Variants in EPHA8 observed in about 807,000 individuals in gnomAD.
The protein encoded by EPHA8 is EPH receptor A8.
In EPHA8, 58 loss-of-function variants were observed where a neutral mutation model predicts 103.6. The observed-to-expected ratio is 0.56, with a 90% CI of 0.45 to 0.70. The LOEUF is 0.70. EPHA8 is among the 30% of genes least tolerant of loss of function. The pLI is 0.00. For synonymous variants in EPHA8, 559 were observed against 572.5 expected, an observed-to-expected ratio of 0.98 and a Z score of 0.34; for missense variants, 1,304 against 1,395.2, an observed-to-expected ratio of 0.93 and a Z score of 1.04.
At chr1:22,577,805 TATGTGTGCATGTGTGTGC>T (rs1281006644) in intron 3 of EPHA8, among the ~76,000 whole-genome samples, 31 of 148,410 alleles carry the variant, frequency 2.1e-4, no homozygotes, top group African/African-American at 7.7e-4. Flanking sequence ...TGCGTAAGTG[TATGTGTGCATGTGTGTGC>T]ATGTGTGCGT....
Position 22,598,759 on chromosome 1 carries a change from T to C in EPHA8, c.2179-79T>C. The C allele has an allele frequency of 6.9e-7, 1 of 1,446,494 alleles. No individual in the cohort carries two copies. Among genetic ancestry groups the C allele is most frequent in the Non-Finnish European group, 9.5e-7 (1 of 1,051,768 alleles). 89.6% of individuals were successfully genotyped at this position (1,446,494 alleles called of 1,614,324 possible). The stretch of plus-strand genomic sequence containing the variant: ...GCACCGTCTCAACTCGAGAGCATCC[T>C]ACAGATGGGAGGTGTTCCTGTTCAC... On this transcript the variant is annotated intron_variant, in intron 12 of 16. Transcript: ENST00000166244. This position sits in a 1 kb window ranked among gnomAD's most constrained non-coding sequence, Gnocchi z 5.1.
At chr1:22,578,040 T>C (rs915313228) in intron 3 of EPHA8, among the ~76,000 whole-genome samples, 3 of 91,326 alleles carry the variant, frequency 3.3e-5, no homozygotes, top group Non-Finnish European at 6.8e-5. Flanking sequence ...CATGTGTATG[T>C]ATGTGCATGT....
At chr1:22,595,966 T>G in intron 8 of EPHA8, 140 bp from the exon 9 acceptor site, 4 of 697,764 alleles carry the variant, frequency 5.7e-6, no homozygotes, top group Non-Finnish European at 9.8e-6. Context: ...GACTCTCCCC[T>G]GCAGACTTTG....
intron 3 of EPHA8, among the ~76,000 whole-genome samples, chr1:22,582,558 G>A (rs924982997): frequency 3.3e-5 from 5 of 152,242 alleles, no homozygotes; most frequent in African/African-American, 1.2e-4. Flanking sequence ...AGAGCCATGT[G>A]GGGTTCGTCC....
rs75947384 is a variant in EPHA8, at chr1:22,576,072, G to A, written c.160-145G>A. 0.041 allele frequency: 34,538 copies of A among 847,074 alleles called. 942 individuals carry two copies. The highest frequency in any genetic ancestry group is 0.11 in the East Asian group (4,326 of 40,104). The allele number at this position is 847,074 out of a possible 1,614,324, so 52.5% of individuals were successfully genotyped here. A position where few individuals can be genotyped will look rare whatever the true frequency, so the allele number is the denominator to read the frequency against. ...GGCCCTCTTCGAGATCATGTCTGCA[G>A]GGGGCCTGGCATCTAGTAGCCACCA... On this transcript the variant is annotated intron_variant, in intron 2 of 16. Coordinates refer to ENST00000166244, the MANE Select transcript of EPHA8 (RefSeq NM_020526.5). The surrounding 1 kb of genome is among the most constrained non-coding windows in gnomAD (Gnocchi z 4.8).
rs550754130 is a variant in EPHA8, at chr1:22,591,444, C to T, written c.1316-1882C>T. On this transcript the variant is annotated intron_variant, in intron 5 of 16. Coordinates refer to ENST00000166244, the MANE Select transcript of EPHA8 (RefSeq NM_020526.5). ...CTATATTTCCCAGGCTGATCTGAAA[C>T]TCCTGGGCTCAAGTGATCCTCCTGC... Among the ~76,000 whole-genome samples, 16 of 150,794 alleles carry T rather than the reference C, an allele frequency of 1.1e-4. No homozygotes were observed. The East Asian group carries it at 3.2e-3, about 30-fold the overall frequency.
At chr1:22,573,776 C>T (rs1008656096) in intron 2 of EPHA8, among the ~76,000 whole-genome samples, 5 of 152,182 alleles carry the variant, frequency 3.3e-5, no homozygotes, top group African/African-American at 1.2e-4. Context: ...GGACTGTCCC[C>T]TCCCCTGTCT....
At position 22,563,969 on chromosome 1, in the gene EPHA8, A is replaced by T. The variant is rs1290471422; in HGVS notation, c.94+240A>T. 6.6e-6 allele frequency among the ~76,000 whole-genome samples: 1 copy of T among 151,842 alleles called. No individual in the cohort carries two copies. Among genetic ancestry groups the T allele is most frequent in the Admixed American group, 6.6e-5 (1 of 15,266 alleles). On this transcript the variant is annotated intron_variant, in intron 1 of 16. Coordinates refer to ENST00000166244, the MANE Select transcript of EPHA8 (RefSeq NM_020526.5). This position sits in a 1 kb window ranked among gnomAD's most constrained non-coding sequence, Gnocchi z 4.4. ...TACCGGGGACTGGGGGACAGTGGGA[A>T]AGGACAGGAGACAGGACTGAGGGAT...
At chr1:22,564,927 C>T (rs1035115668) in intron 1 of EPHA8, among the ~76,000 whole-genome samples, 4 of 152,106 alleles carry the variant, frequency 2.6e-5, no homozygotes, top group African/African-American at 9.7e-5. Context: ...CACACATCTG[C>T]CCTTCACACA....
chr1:22,588,701 A>G (rs1162090286), intron 4 of EPHA8, among the ~76,000 whole-genome samples, 170 bp from the exon 5 acceptor site: 2 of 151,998 alleles, frequency 1.3e-5, no homozygotes, highest in Non-Finnish European at 2.9e-5. Context: ...AGAGACACAA[A>G]CTCTGCCCTT....
chr1:22,592,431 G>A (rs960255543), intron 5 of EPHA8, among the ~76,000 whole-genome samples: 1 of 152,328 alleles, frequency 6.6e-6, no homozygotes, highest in Non-Finnish European at 1.5e-5. Context: ...AAGAGAGGGA[G>A]CCAAGTCCCG....
Position 22,570,287 on chromosome 1 carries a change from T to C in EPHA8, c.159+934T>C, listed in dbSNP as rs115171251. On this transcript the variant is annotated intron_variant, in intron 2 of 16. Transcript: ENST00000166244. ...GCATGTACACACACATGCACGCGCG[T>C]ACACACACATGCACACGTGTGCGTG... Among the ~76,000 whole-genome samples, 932 of 151,496 alleles carry C rather than the reference T, an allele frequency of 6.2e-3. 12 individuals carry two copies. Among genetic ancestry groups the C allele is most frequent in the African/African-American group, 0.021 (868 of 41,240 alleles).
chr1:22,588,902 CA>C lies in EPHA8; in HGVS notation c.1012del (p.Ser338ValfsTer2). 1.2e-6 allele frequency: 2 copies of C among 1,601,540 alleles called. No individual in the cohort carries two copies. The highest frequency in any genetic ancestry group is 1.7e-6 in the Non-Finnish European group (2 of 1,175,890). Reference protein sequence around the residue: ...PPSAPVNLISSVNGTSVTLEW... With the variant: ...PPSAPVNLISXVNGTSVTLEW... Reference sequence around the variant, plus strand: ...CCTCGGCACCAGTGAACCTGATCTCCAGTGTGAATGGGACATCAGTGACTCT... The same window carrying C: ...CCTCGGCACCAGTGAACCTGATCTCCGTGTGAATGGGACATCAGTGACTCT... On this transcript the variant is annotated frameshift_variant, in exon 5 of 17. Coordinates refer to ENST00000166244, the MANE Select transcript of EPHA8 (RefSeq NM_020526.5). LOFTEE classifies it high-confidence loss of function.
In EPHA8 at chr1:22,576,886, C is replaced by T. The variant is rs774219987; in HGVS notation, c.823+6C>T. On this transcript the variant is annotated splice_donor_region_variant and intron_variant, in intron 3 of 16. Transcript: ENST00000166244. This position sits in a 1 kb window ranked among gnomAD's most constrained non-coding sequence, Gnocchi z 4.8. ...GCGGCGGGATGCCTGTGTGGGTGAG[C>T]GCGCCATGGCCTGGGCATGGGTCAG... 13 of 1,573,402 alleles carry T rather than the reference C, an allele frequency of 8.3e-6. No homozygotes were observed. The highest frequency in any genetic ancestry group is 5.9e-5 in the South Asian group (5 of 84,920).
At chr1:22,591,659 C>T (rs1012716836) in intron 5 of EPHA8, among the ~76,000 whole-genome samples, 23 of 152,316 alleles carry the variant, frequency 1.5e-4, no homozygotes, top group East Asian at 5.8e-4. Flanking sequence ...CCCTGCCTGC[C>T]TCTCCAGAGC....
In EPHA8 at chr1:22,578,528, CAT is replaced by C. The variant is rs202002391; in HGVS notation, c.823+1651_823+1652del. Among the ~76,000 whole-genome samples, 151 of 113,466 alleles carry C rather than the reference CAT, an allele frequency of 1.3e-3. 3 individuals carry two copies. The East Asian group carries it at 0.036, about 27-fold the overall frequency. 74.4% of individuals were successfully genotyped at this position (113,466 alleles called of 152,430 possible). A position where few individuals can be genotyped will look rare whatever the true frequency, so the allele number is the denominator to read the frequency against. On this transcript the variant is annotated intron_variant, in intron 3 of 16. Transcript: ENST00000166244. Reference sequence around the variant, plus strand: ...TGCATTAGTGTATTATGCATGTGTGCATATGCGTGCATGTGTGCGTGAGTGTG... The same window carrying C: ...TGCATTAGTGTATTATGCATGTGTGCATGCGTGCATGTGTGCGTGAGTGTG...
chr1:22,569,601 G>T lies in EPHA8; in HGVS notation c.159+248G>T, dbSNP rs1569947074. The stretch of plus-strand genomic sequence containing the variant: ...TCAAGTCTGAGGCCCTAGGTCCGGG[G>T]ATCCCCATGGCTGCATCCTACAGAT... On this transcript the variant is annotated intron_variant, in intron 2 of 16. Transcript: ENST00000166244. The surrounding 1 kb of genome is among the most constrained non-coding windows in gnomAD (Gnocchi z 4.5). Among the ~76,000 whole-genome samples the T allele has an allele frequency of 6.6e-6, 1 of 152,162 alleles. No homozygotes were observed. The highest frequency in any genetic ancestry group is 1.5e-5 in the Non-Finnish European group (1 of 68,016).
rs1641768729 is a variant in EPHA8 at position 22,602,515 on chromosome 1, GC to G, written c.*776del. On this transcript the variant is annotated 3_prime_UTR_variant, in exon 17 of 17. Transcript: ENST00000166244. Reference sequence around the variant, plus strand: ...ACAGGGTTCCCGGTCAGTCCGGCTGGCCGCCTTCATGGAGGCATCATGGCAG... The same window carrying G: ...ACAGGGTTCCCGGTCAGTCCGGCTGGCGCCTTCATGGAGGCATCATGGCAG... 6.5e-6 allele frequency: 1 copy of G among 152,892 alleles called. No homozygotes were observed. Among genetic ancestry groups the G allele is most frequent in the African/African-American group, 2.4e-5 (1 of 41,464 alleles). 9.5% of individuals were successfully genotyped at this position (152,892 alleles called of 1,614,324 possible). A position where few individuals can be genotyped will look rare whatever the true frequency, so the allele number is the denominator to read the frequency against.
In EPHA8 at chr1:22,589,034, C is replaced by T. The variant is rs369566540; in HGVS notation, c.1143C>T (p.Ser381=). Residue 381 remains serine (S), a synonymous_variant, in exon 5 of 17, where the codon AGC becomes AGT. Transcript: ENST00000166244. The surrounding 1 kb of genome is among the most constrained non-coding windows in gnomAD (Gnocchi z 4.3). Reference sequence around the variant, plus strand: ...TGAGCCGCTGCGAGGCATGTGGGAGCGGCACCCGCTTTGTGCCCCAGCAGA... The same window carrying T: ...TGAGCCGCTGCGAGGCATGTGGGAGTGGCACCCGCTTTGTGCCCCAGCAGA... The part of the protein sequence containing the change: ...WALSRCEACG[S]GTRFVPQQTS... 35 of 1,612,068 alleles carry T rather than the reference C, an allele frequency of 2.2e-5. No individual in the cohort carries two copies. Among genetic ancestry groups the T allele is most frequent in the Middle Eastern group, 1.6e-4 (1 of 6,062 alleles).
Sources: allele counts gnomAD v4.1 joint callset (sites outside exome capture counted in the v4.1 genomes callset), GRCh38; gene constraint gnomAD v4.1.1; non-coding constraint Gnocchi (gnomAD v3.1); transcripts MANE v1.5; gene names NCBI Gene and HGNC (gene_info 2026-07-23, HGNC 2026-07-21).